MAP3K15: variants seen among roughly 807,000 people sequenced by gnomAD.
MAP3K15 encodes mitogen-activated protein kinase kinase kinase 15.
Under a neutral mutation model 99.5 loss-of-function variants are expected in MAP3K15, and 124 were observed. That is an observed-to-expected ratio of 1.25 (90% CI 1.08 to 1.45). MAP3K15 has a LOEUF of 1.45. Ranked by LOEUF, MAP3K15 falls within the 40% of genes most tolerant of loss-of-function variation. The probability of loss-of-function intolerance (pLI) is 0.00; values close to 1 mark genes in which losing one functional copy is unlikely to be tolerated. For synonymous variants in MAP3K15, 494 were observed against 439.6 expected (o/e 1.12, Z -1.55); for missense variants, 1,242 against 1,079.7 (o/e 1.15, Z -2.11).
Position 19,431,431 on chromosome X carries a change from G to C in MAP3K15, c.1166+7C>G, listed in dbSNP as rs764552029. 4.6e-5 allele frequency: 55 copies of C among 1,196,288 alleles called. No individual in the cohort carries two copies. Among genetic ancestry groups the C allele is most frequent in the Non-Finnish European group, 5.6e-5 (50 of 893,242 alleles). ...GCAAGTGCTCATAACTCGGGCTGAG[G>C]GTTTACCACTCAATGGCGCTGTCGC... On this transcript the variant is annotated splice_region_variant and intron_variant, in intron 7 of 28. Transcript: ENST00000338883.
chrX:19,487,091 C>T (rs2064332298), intron 2 of MAP3K15, among the ~76,000 whole-genome samples: 1 of 90,532 alleles, frequency 1.1e-5, no homozygotes, highest in East Asian at 3.5e-4. Flanking sequence ...ATTAGGCAGC[C>T]TTTGACTGTC....
chrX:19,479,541 G>C (rs1187637731), intron 3 of MAP3K15, among the ~76,000 whole-genome samples: 1 of 111,859 alleles, frequency 8.9e-6, no homozygotes, highest in African/African-American at 3.3e-5. Flanking sequence ...CAGAGTCTGA[G>C]TCTAGAGGAA....
chrX:19,424,164 G>C (rs1281921720), intron 9 of MAP3K15, among the ~76,000 whole-genome samples: 1 of 108,636 alleles, frequency 9.2e-6, no homozygotes, highest in Admixed American at 1.0e-4. Context: ...TCTGAGTTCT[G>C]TGAGTCCTTC....
At chrX:19,366,520 G>C (rs1016160226) in intron 25 of MAP3K15, among the ~76,000 whole-genome samples, 4 of 111,495 alleles carry the variant, frequency 3.6e-5, no homozygotes, top group African/African-American at 1.3e-4. Flanking sequence ...GAATCATGGG[G>C]GTGGTTTCCC....
At chrX:19,399,465 G>A (rs2063591623) in intron 14 of MAP3K15, among the ~76,000 whole-genome samples, 1 of 111,487 alleles carries the variant, frequency 9.0e-6, no homozygotes, top group African/African-American at 3.3e-5. Flanking sequence ...TCAGGATGCT[G>A]AGGCAGGAGA....
At chrX:19,454,937 A>G (rs2064081331) in intron 6 of MAP3K15, among the ~76,000 whole-genome samples, 1 of 111,989 alleles carries the variant, frequency 8.9e-6, no homozygotes, top group African/African-American at 3.2e-5. Context: ...TGGATTTAGG[A>G]GCACTTTTCA....
intron 6 of MAP3K15, among the ~76,000 whole-genome samples, chrX:19,450,695 A>ATC (rs1022041914): frequency 3.3e-4 from 36 of 109,291 alleles, no homozygotes; most frequent in African/African-American, 1.1e-3. Context: ...TGACACATAA[A>ATC]TAAGTTAGTA....
chrX:19,368,860 T>C (rs973362263), intron 25 of MAP3K15, among the ~76,000 whole-genome samples, 194 bp downstream of exon 25: 12 of 108,237 alleles, frequency 1.1e-4, no homozygotes, highest in African/African-American at 3.8e-4. Context: ...TTTTTTTTTT[T>C]AAAGGAAGGC....
At chrX:19,368,844 T>G (rs763524494) in intron 25 of MAP3K15, among the ~76,000 whole-genome samples, 39 of 108,822 alleles carry the variant, frequency 3.6e-4, no homozygotes, top group Admixed American at 3.4e-3. Context: ...ATTCTGAGTT[T>G]TTTTTTTTTT....
intron 3 of MAP3K15, among the ~76,000 whole-genome samples, chrX:19,480,932 T>C (rs2064284897): frequency 9.3e-6 from 1 of 107,522 alleles, no homozygotes; most frequent in Admixed American, 1.0e-4. Context: ...CTGGGCAACA[T>C]GGCAAAACCC....
intron 1 of MAP3K15, among the ~76,000 whole-genome samples, chrX:19,507,638 T>A (rs1013517874): frequency 1.3e-5 from 1 of 75,899 alleles, no homozygotes; most frequent in Admixed American, 1.5e-4. Context: ...TCAACCCTAA[T>A]GTAAACTAAA....
At chrX:19,467,596 C>T (rs1476504947) in intron 3 of MAP3K15, among the ~76,000 whole-genome samples, 2 of 109,419 alleles carry the variant, frequency 1.8e-5, no homozygotes, top group Admixed American at 9.9e-5. Context: ...GTGAAACCCC[C>T]TCTCTACTAA....
chrX:19,403,724 C>T (rs1353488669), intron 13 of MAP3K15, among the ~76,000 whole-genome samples: 1 of 109,707 alleles, frequency 9.1e-6, no homozygotes, highest in Non-Finnish European at 1.9e-5. Flanking sequence ...TCCTCAGCCT[C>T]CCAAAGTGCT....
At chrX:19,464,189 T>C in intron 4 of MAP3K15, 24 bp downstream of exon 4, 1 of 1,166,665 alleles carries the variant, frequency 8.6e-7, no homozygotes, top group Non-Finnish European at 1.2e-6. Flanking sequence ...TCTCCAGGGG[T>C]TACTGGTGGC....
chrX:19,418,833 T>G (rs771863622), intron 9 of MAP3K15, among the ~76,000 whole-genome samples: 2,155 of 111,952 alleles, frequency 0.019, 49 homozygotes, highest in African/African-American at 0.066. Context: ...GACTAACAGC[T>G]GATCTCTCTG....
At chrX:19,443,022 CTTTTTTTTTT>C (rs35963207) in intron 6 of MAP3K15, among the ~76,000 whole-genome samples, 6 of 17,240 alleles carry the variant, frequency 3.5e-4, no homozygotes, top group Non-Finnish European at 4.4e-4. Context: ...CCATGCCCGG[CTTTTTTTTTT>C]TTTTTTTTTT....
chrX:19,423,017 G>A (rs189848786), intron 9 of MAP3K15, among the ~76,000 whole-genome samples: 1,017 of 100,758 alleles, frequency 0.01, 18 homozygotes, highest in African/African-American at 0.035. Flanking sequence ...ACCACACACC[G>A]GGGCCTGTTA....
intron 16 of MAP3K15, 39 bp downstream of exon 16, chrX:19,395,042 A>G: frequency 8.4e-7 from 1 of 1,190,789 alleles, no homozygotes; most frequent in Non-Finnish European, 1.1e-6. Context: ...CGTCGTAGTG[A>G]TTTTCAGAAT....
intron 4 of MAP3K15, among the ~76,000 whole-genome samples, chrX:19,462,836 C>A (rs181075351): frequency 2.7e-5 from 3 of 112,270 alleles, no homozygotes; most frequent in African/African-American, 9.7e-5. Context: ...ATAAGCACCA[C>A]TTCCCCTCCT....
Sources: gnomAD v4.1 joint callset for allele counts (sites outside exome capture counted in the v4.1 genomes callset) on GRCh38, gnomAD v4.1.1 for gene constraint, MANE v1.5 for transcripts, NCBI Gene and HGNC (gene_info 2026-07-23, HGNC 2026-07-21) for gene names.